FAM135B: variants seen among roughly 807,000 people sequenced by gnomAD.
FAM135B encodes the protein protein FAM135B.
In FAM135B, 43 loss-of-function variants were observed where a neutral mutation model predicts 127.7. The ratio of observed to expected loss-of-function variants is 0.34; its 90% confidence interval spans 0.26 to 0.43. The LOEUF (loss-of-function observed/expected upper bound fraction) is 0.43. FAM135B is among the 20% of genes least tolerant of loss of function. FAM135B has a pLI of 1.00. For synonymous variants in FAM135B, 670 were observed against 665.1 expected (o/e 1.01, Z -0.11); for missense variants, 1,558 against 1,725.6 (o/e 0.90, Z 1.72).
intron 7 of FAM135B, among the ~76,000 whole-genome samples, chr8:138,240,227 T>C (rs966269297): frequency 4.6e-5 from 7 of 152,202 alleles, no homozygotes; most frequent in Non-Finnish European, 1.0e-4. Flanking sequence ...TAGGAGGCAT[T>C]TGTAACCAGA....
intron 3 of FAM135B, among the ~76,000 whole-genome samples, chr8:138,273,563 TG>T (rs1386933700): frequency 1.3e-5 from 2 of 152,140 alleles, no homozygotes; most frequent in African/African-American, 4.8e-5. Context: ...CCCAGGGCAG[TG>T]GGCACTGCCT....
intron 1 of FAM135B, among the ~76,000 whole-genome samples, chr8:138,391,378 T>A (rs1832565914): frequency 7.2e-6 from 1 of 139,014 alleles, no homozygotes; most frequent in Admixed American, 7.0e-5. Context: ...CCCAGCTCCC[T>A]CCTTTCACCT....
At chr8:138,386,818 G>T (rs772264946) in intron 1 of FAM135B, among the ~76,000 whole-genome samples, 67 of 152,140 alleles carry the variant, frequency 4.4e-4, no homozygotes, top group Admixed American at 1.0e-3. Flanking sequence ...TTAATGAAAG[G>T]CCAAGCATGT....
At chr8:138,156,067 G>A (rs28762834) in intron 12 of FAM135B, among the ~76,000 whole-genome samples, 2,955 of 152,252 alleles carry the variant, frequency 0.019, 52 homozygotes, top group Middle Eastern at 0.051. Flanking sequence ...CTCAGCAAAT[G>A]TAAAAGAACA....
intron 2 of FAM135B, among the ~76,000 whole-genome samples, chr8:138,359,710 A>G (rs1830298466): frequency 6.6e-6 from 1 of 152,222 alleles, no homozygotes; most frequent in African/African-American, 2.4e-5. Flanking sequence ...AATCACTGGC[A>G]AGCAAAGATA....
At chr8:138,167,109 A>T (rs1820003900) in intron 12 of FAM135B, among the ~76,000 whole-genome samples, 1 of 152,058 alleles carries the variant, frequency 6.6e-6, no homozygotes, top group South Asian at 2.1e-4. Context: ...AAATACCTGG[A>T]GAAAAAACAC....
At chr8:138,322,048 A>T (rs1827485442) in intron 2 of FAM135B, among the ~76,000 whole-genome samples, 1 of 152,218 alleles carries the variant, frequency 6.6e-6, no homozygotes, top group South Asian at 2.1e-4. Context: ...AGACAGGCAG[A>T]CATAGACTCA....
intron 3 of FAM135B, among the ~76,000 whole-genome samples, chr8:138,269,903 C>T (rs1823243567): frequency 1.3e-5 from 2 of 152,160 alleles, no homozygotes; most frequent in African/African-American, 2.4e-5. Context: ...GGTGAATTTT[C>T]GGACCCTTTC....
intron 3 of FAM135B, among the ~76,000 whole-genome samples, chr8:138,292,626 T>A (rs1408739122): frequency 1.3e-5 from 2 of 152,070 alleles, no homozygotes; most frequent in Non-Finnish European, 2.9e-5. Context: ...AAAATTGTTT[T>A]AAAATTCATA....
chr8:138,151,861 C>G lies in FAM135B; in HGVS notation c.2614G>C (p.Gly872Arg), dbSNP rs761067054. 1.1e-5 allele frequency: 17 copies of G among 1,614,002 alleles called. No individual in the cohort carries two copies. Among genetic ancestry groups the G allele is most frequent in the Non-Finnish European group, 1.4e-5 (17 of 1,179,886 alleles). ...LPDGRTENTPGVETKGLNLKI... is the reference protein window; with the variant it reads ...LPDGRTENTPRVETKGLNLKI... Reference sequence around the variant, plus strand: ...AAATTAAGACCTTTGGTTTCAACACCTGGAGTGTTCTCAGTCCTGCCATCA... The same window carrying G: ...AAATTAAGACCTTTGGTTTCAACACGTGGAGTGTTCTCAGTCCTGCCATCA... Residue 872 changes from glycine to arginine, a missense_variant, in exon 13 of 20, where the codon GGT (glycine) becomes CGT (arginine). Physicochemically the swap from Gly to Arg is moderately radical, Grantham distance 125 (BLOSUM62 -2). Coordinates refer to ENST00000395297, the MANE Select transcript of FAM135B (RefSeq NM_015912.4).
intron 16 of FAM135B, chr8:138,142,713 A>G (rs1486072869): frequency 3.4e-6 from 1 of 292,966 alleles, no homozygotes; most frequent in Non-Finnish European, 6.4e-6. Context: ...GGCAAGAAAC[A>G]AGATTCCAAC....
intron 1 of FAM135B, among the ~76,000 whole-genome samples, chr8:138,408,781 A>G (rs539527006): frequency 6.6e-6 from 1 of 152,174 alleles, no homozygotes; most frequent in South Asian, 2.1e-4. Context: ...TGAGAACAGC[A>G]TGGGGGAAAT....
At position 138,305,151 on chromosome 8, in the gene FAM135B, G is replaced by A. The variant is rs1275640851; in HGVS notation, c.157+5690C>T. Among the ~76,000 whole-genome samples the A allele has an allele frequency of 2.0e-5, 3 of 152,182 alleles. No homozygotes were observed. In the East Asian group the frequency reaches 5.8e-4, roughly 29 times the overall value. Reference sequence around the variant, plus strand: ...ATGTCGGTCCCCCGCCCTCTACATGGTAAAACTCTTAAATGCTTCTACTTA... The same window carrying A: ...ATGTCGGTCCCCCGCCCTCTACATGATAAAACTCTTAAATGCTTCTACTTA... On this transcript the variant is annotated intron_variant, in intron 3 of 19. Coordinates refer to ENST00000395297, the MANE Select transcript of FAM135B (RefSeq NM_015912.4).
At chr8:138,484,275 G>T (rs542190723) in intron 1 of FAM135B, among the ~76,000 whole-genome samples, 2 of 152,298 alleles carry the variant, frequency 1.3e-5, no homozygotes, top group Admixed American at 1.3e-4. Flanking sequence ...ACACAGCTGG[G>T]TGGCTAAAGG....
At chr8:138,282,058 A>T (rs13273961) in intron 3 of FAM135B, among the ~76,000 whole-genome samples, 17,959 of 152,286 alleles carry the variant, frequency 0.12, 1,082 homozygotes, top group Non-Finnish European at 0.13. Context: ...AGTCCTACAC[A>T]TAAAATGACA....
chr8:138,368,134 C>G, intron 1 of FAM135B, 132 bp from the exon 2 acceptor site: 1 of 632,922 alleles, frequency 1.6e-6, no homozygotes, highest in South Asian at 1.9e-5. Flanking sequence ...AACGTCACCA[C>G]TCAGGGTTCC....
At chr8:138,170,780 T>C (rs7812850) in intron 11 of FAM135B, among the ~76,000 whole-genome samples, 108,451 of 152,066 alleles carry the variant, frequency 0.71, 40,372 homozygotes, top group East Asian at 0.98. Flanking sequence ...AGGGTGTCTC[T>C]GGAGGAGACT....
intron 1 of FAM135B, among the ~76,000 whole-genome samples, chr8:138,451,902 G>A (rs1467667832): frequency 2.6e-5 from 4 of 152,130 alleles, no homozygotes; most frequent in East Asian, 3.9e-4. Flanking sequence ...GGTATAGTCT[G>A]TGAGATTTAA....
chr8:138,286,745 T>C (rs1358236628), intron 3 of FAM135B, among the ~76,000 whole-genome samples: 2 of 152,172 alleles, frequency 1.3e-5, no homozygotes, highest in Non-Finnish European at 2.9e-5. Flanking sequence ...TTGAAACATG[T>C]CCAATTACAA....
Sources: gnomAD v4.1 joint callset for allele counts (sites outside exome capture counted in the v4.1 genomes callset) on GRCh38, gnomAD v4.1.1 for gene constraint, MANE v1.5 for transcripts, NCBI Gene and HGNC (gene_info 2026-07-23, HGNC 2026-07-21) for gene names.